GAPDHS: variants seen among roughly 807,000 people sequenced by gnomAD.
GAPDHS encodes glyceraldehyde-3-phosphate dehydrogenase, testis-specific.
Under a neutral mutation model 48.7 loss-of-function variants are expected in GAPDHS, and 42 were observed. The ratio of observed to expected loss-of-function variants is 0.86; its 90% CI spans 0.67 to 1.12. GAPDHS has a LOEUF of 1.12. GAPDHS is among the 50% of genes most tolerant of loss of function. GAPDHS has a pLI of 0.00. For missense variants in GAPDHS, 512 were observed against 557.7 expected, an observed-to-expected ratio of 0.92 and a Z score of 0.82; for synonymous variants, 166 against 219.1, an observed-to-expected ratio of 0.76 and a Z score of 2.14.
chr19:35,544,859 G>T (rs943337544), intron 9 of GAPDHS, 50 bp from the exon 10 acceptor site: 3 of 1,077,762 alleles, frequency 2.8e-6, no homozygotes, highest in Admixed American at 1.7e-5. Context: ...TCAGCTCCTG[G>T]AGGTCCTTGC....
At position 35,543,484 on chromosome 19, in the gene GAPDHS, C is replaced by T. The variant is rs1207418084; in HGVS notation, c.886C>T (p.Leu296Phe). 3.1e-6 allele frequency: 5 copies of T among 1,604,682 alleles called. No individual in the cohort carries two copies. ...AGCTGTGACCAAAGTCATCCCAGAG[C>T]TCAAAGGGTATGAGGACAAGAAGCT... ...AKAVTKVIPE[L>F]KGKLTGMAFR... The change falls in exon 8 of 11, where the codon CTC becomes TTC. Residue 296 changes from leucine (L) to phenylalanine (F), a missense_variant. Transcript: ENST00000222286.
chr19:35,542,876 A>T (rs2071514488), intron 6 of GAPDHS, 69 bp from the exon 7 acceptor site: 1 of 1,127,742 alleles, frequency 8.9e-7, no homozygotes, highest in African/African-American at 1.5e-5. Context: ...ATACCCCAAG[A>T]GGGGTAAGGG....
intron 1 of GAPDHS, among the ~76,000 whole-genome samples, chr19:35,536,552 G>T (rs1331494117): frequency 6.6e-6 from 1 of 151,888 alleles, no homozygotes; most frequent in Non-Finnish European, 1.5e-5. Flanking sequence ...CTCCAGCCTG[G>T]GTGACAGAGC....
In GAPDHS at chr19:35,536,814, G is replaced by T; in HGVS notation, c.69G>T (p.Val23=). 1 of 1,604,722 alleles carries T rather than the reference G, an allele frequency of 6.2e-7. No homozygotes were observed. The highest frequency in any genetic ancestry group is 1.3e-5 in the African/African-American group (1 of 74,772). ...VVQLLRQPCP[V]TRAPPPPEPK... is the part of the protein sequence containing the mutation. ...CATTCCCTCCCTTCCCCCGCATAGTGACCAGAGCACCGCCCCCACCTGAGC... is the reference window on the plus strand; with the variant it reads ...CATTCCCTCCCTTCCCCCGCATAGTTACCAGAGCACCGCCCCCACCTGAGC... The change falls in exon 2 of 11, where the codon GTG becomes GTT. Residue 23 remains valine (V), a splice_region_variant and synonymous_variant. Coordinates refer to ENST00000222286, the MANE Select transcript of GAPDHS (RefSeq NM_014364.5).
At chr19:35,544,769 C>A in intron 9 of GAPDHS, 140 bp from the exon 10 acceptor site, 1 of 673,192 alleles carries the variant, frequency 1.5e-6, no homozygotes. Context: ...ACCCTCCAGT[C>A]CAGAGACTGG....
At chr19:35,539,993 G>A (rs748551097) in intron 4 of GAPDHS, among the ~76,000 whole-genome samples, 7 of 151,466 alleles carry the variant, frequency 4.6e-5, no homozygotes, top group Non-Finnish European at 8.8e-5. Flanking sequence ...CTCCATCCCC[G>A]CACTGTTGGG....
At chr19:35,541,915 C>A (rs747709538) in intron 4 of GAPDHS, 2 of 215,936 alleles carry the variant, frequency 9.3e-6, no homozygotes, top group East Asian at 2.5e-4. Flanking sequence ...GGGTTCATGG[C>A]GAGGTTGTCA....
At position 35,536,945 on chromosome 19, in the gene GAPDHS, C is replaced by T. The variant is rs747242929; in HGVS notation, c.200C>T (p.Pro67Leu). Residue 67 changes from proline to leucine, a missense_variant, in exon 2 of 11, where the codon CCT (proline) becomes CTT (leucine). Transcript: ENST00000222286. The stretch of plus-strand genomic sequence containing the variant: ...CCTCCTCACCCCGCTACTCCTCCTC[C>T]TAAGATGGTGTCTGTGGCCCGGGAG... ...PLPPHPATPP[P>L]KMVSVARELT... is the part of the protein sequence containing the mutation. The T allele has an allele frequency of 5.6e-6, 9 of 1,613,990 alleles. No individual in the cohort carries two copies. The highest frequency in any genetic ancestry group is 7.6e-6 in the Non-Finnish European group (9 of 1,180,006).
intron 1 of GAPDHS, 64 bp downstream of exon 1, chr19:35,533,658 T>G: frequency 7.9e-7 from 1 of 1,258,880 alleles, no homozygotes; most frequent in Non-Finnish European, 1.1e-6. Flanking sequence ...GTCTGCACCC[T>G]CACACCTGTG....
chr19:35,542,633 A>G (rs757276208), intron 6 of GAPDHS, 25 bp downstream of exon 6: 3 of 1,465,154 alleles, frequency 2.0e-6, no homozygotes, highest in South Asian at 1.1e-5. Flanking sequence ...GACATCCTGC[A>G]ATGTGTGGAA....
chr19:35,544,929 C>A lies in GAPDHS; in HGVS notation c.1077C>A (p.Leu359=). The A allele has an allele frequency of 6.2e-7, 1 of 1,612,638 alleles. No individual in the cohort carries two copies. The highest frequency in any genetic ancestry group is 8.5e-7 in the Non-Finnish European group (1 of 1,178,592). ...TEDEVVSTDF[L]GDTHSSIFDA... ...TCCAGGTCGTCTCTACGGACTTCCT[C>A]GGTGATACCCACTCGTCCATCTTCG... Residue 359 remains leucine, a synonymous_variant, in exon 10 of 11, where the codon CTC becomes CTA. Transcript: ENST00000222286.
intron 9 of GAPDHS, chr19:35,544,080 A>C: frequency 4.2e-6 from 2 of 481,652 alleles, no homozygotes; most frequent in East Asian, 3.8e-5. Flanking sequence ...CACCCCCTCA[A>C]AATATGTTCT....
chr19:35,540,444 G>GC (rs2146295318), intron 4 of GAPDHS, among the ~76,000 whole-genome samples: 1 of 152,320 alleles, frequency 6.6e-6, no homozygotes, highest in East Asian at 1.9e-4. Context: ...CAGAGGAATC[G>GC]CAAGTGTCCC....
chr19:35,540,707 T>C (rs1362381737), intron 4 of GAPDHS: 1 of 151,624 alleles, frequency 6.6e-6, no homozygotes, highest in East Asian at 1.9e-4. Context: ...AGTAAAAAAA[T>C]GCAAAAAATG....
intron 4 of GAPDHS, 121 bp downstream of exon 4, chr19:35,538,804 T>C (rs1315614779): frequency 3.7e-5 from 26 of 694,734 alleles, no homozygotes; most frequent in Non-Finnish European, 5.8e-5. Context: ...AAATTGCGTG[T>C]GCATGCCTCT....
Position 35,544,910 on chromosome 19 carries a change from T to TCGTC in GAPDHS, c.1059_1062dup (p.Ser355ArgfsTer8). 6.2e-7 allele frequency: 1 copy of TCGTC among 1,605,026 alleles called. No individual in the cohort carries two copies. The highest frequency in any genetic ancestry group is 1.7e-5 in the Admixed American group (1 of 60,018). ...TATCTTTGAAATTCTGACTTCCAGG[T>TCGTC]CGTCTCTACGGACTTCCTCGGTGAT... On this transcript the variant is annotated frameshift_variant and splice_region_variant, in exon 10 of 11. Transcript: ENST00000222286. LOFTEE classifies it high-confidence loss of function.
intron 1 of GAPDHS, among the ~76,000 whole-genome samples, chr19:35,535,948 C>T (rs2071463337): frequency 6.6e-6 from 1 of 151,682 alleles, no homozygotes; most frequent in Non-Finnish European, 1.5e-5. Context: ...CCATGTTGGC[C>T]AAGCTGGTCT....
chr19:35,537,308 C>T (rs1319267830), intron 2 of GAPDHS, among the ~76,000 whole-genome samples: 5 of 152,218 alleles, frequency 3.3e-5, no homozygotes, highest in South Asian at 4.1e-4. Flanking sequence ...GTCATTGGAG[C>T]GGGACCAGAG....
chr19:35,538,689 G>A lies in GAPDHS; in HGVS notation c.449+6G>A. The A allele has an allele frequency of 6.7e-7, 1 of 1,502,572 alleles. No individual in the cohort carries two copies. Among genetic ancestry groups the A allele is most frequent in the Non-Finnish European group, 9.3e-7 (1 of 1,078,194 alleles). 93.1% of individuals were successfully genotyped at this position (1,502,572 alleles called of 1,614,324 possible). A position where few individuals can be genotyped will look rare whatever the true frequency, so the allele number is the denominator to read the frequency against. Reference sequence around the variant, plus strand: ...GAGATCTCTGTCTACCAGTGGTAAGGAAAGCATCTGTCTGATGCACGGCTG... The same window carrying A: ...GAGATCTCTGTCTACCAGTGGTAAGAAAAGCATCTGTCTGATGCACGGCTG... On this transcript the variant is annotated splice_donor_region_variant and intron_variant, in intron 4 of 10. Transcript: ENST00000222286.
Sources: gnomAD v4.1 joint callset for allele counts (sites outside exome capture counted in the v4.1 genomes callset) on GRCh38, gnomAD v4.1.1 for gene constraint, MANE v1.5 for transcripts, NCBI Gene and HGNC (gene_info 2026-07-23, HGNC 2026-07-21) for gene names.